The following MYO5B variants were observed in gnomAD, a reference collection of about 807,000 sequenced individuals.
The protein encoded by MYO5B is myosin VB.
A neutral mutation model predicts 229.3 loss-of-function variants in MYO5B; 143 were observed. The observed-to-expected ratio is 0.62, with a 90% CI of 0.54 to 0.72. The LOEUF is 0.72. MYO5B is among the 30% of genes least tolerant of loss of function. The pLI is 0.00. For synonymous variants in MYO5B, 918 were observed against 885.2 expected, an observed-to-expected ratio of 1.04 and a Z score of -0.66; for missense variants, 2,321 against 2,331.0, an observed-to-expected ratio of 1.00 and a Z score of 0.09.
At position 49,954,878 on chromosome 18, in the gene MYO5B, C is replaced by T. The variant is rs115880407; in HGVS notation, c.1546-443G>A. Among the ~76,000 whole-genome samples, 588 of 152,354 alleles carry T rather than the reference C, an allele frequency of 3.9e-3. 6 individuals are homozygous for T. Among genetic ancestry groups the T allele is most frequent in the African/African-American group, 0.014 (570 of 41,584 alleles). On this transcript the variant is annotated intron_variant, in intron 12 of 39. Coordinates refer to ENST00000285039, the MANE Select transcript of MYO5B (RefSeq NM_001080467.3). ...CCTGCCACAGGAAAGCCTACCTTCC[C>T]TCCCTAAACTCACCTAGATACCATT...
At chr18:50,118,185 A>G (rs1471131590) in intron 1 of MYO5B, among the ~76,000 whole-genome samples, 1 of 152,198 alleles carries the variant, frequency 6.6e-6, no homozygotes, top group African/African-American at 2.4e-5. Flanking sequence ...AGCTAGCATG[A>G]CTGTCTCAGT....
intron 4 of MYO5B, among the ~76,000 whole-genome samples, chr18:50,025,778 G>T (rs1411402626): frequency 6.6e-6 from 1 of 152,146 alleles, no homozygotes; most frequent in African/African-American, 2.4e-5. Flanking sequence ...GACCCCAGCA[G>T]GGGCCCGTGG....
At chr18:49,831,343 G>T (rs2023918874) in intron 39 of MYO5B, among the ~76,000 whole-genome samples, 1 of 152,014 alleles carries the variant, frequency 6.6e-6, no homozygotes, top group Admixed American at 6.5e-5. Context: ...CCCACAGAAT[G>T]GGAGAAAATA....
chr18:49,954,242 G>C, intron 13 of MYO5B, 71 bp downstream of exon 13: 1 of 1,595,074 alleles, frequency 6.3e-7, no homozygotes, highest in Non-Finnish European at 8.6e-7. Context: ...TTTCTCTCTA[G>C]GTCTAGAGCC....
Position 49,879,110 on chromosome 18 carries a change from G to C in MYO5B, c.3131-20C>G. 1 of 1,614,088 alleles carries C rather than the reference G, an allele frequency of 6.2e-7. No homozygotes were observed. The highest frequency in any genetic ancestry group is 8.5e-7 in the Non-Finnish European group (1 of 1,180,002). Reference sequence around the variant, plus strand: ...ATTCATCTGGAAAGCAACACGCTAAGCTGCAGTTTTTCTGGATGGATTCCC... The same window carrying C: ...ATTCATCTGGAAAGCAACACGCTAACCTGCAGTTTTTCTGGATGGATTCCC... On this transcript the variant is annotated intron_variant, in intron 23 of 39. Transcript: ENST00000285039.
intron 23 of MYO5B, 96 bp downstream of exon 23, chr18:49,880,275 C>T (rs998261081): frequency 2.0e-6 from 2 of 1,022,018 alleles, no homozygotes; most frequent in Non-Finnish European, 3.1e-6. Context: ...ACTGTAGCCT[C>T]TAGTCTAACT....
chr18:50,033,868 C>G (rs913510186), intron 4 of MYO5B, among the ~76,000 whole-genome samples: 1 of 151,924 alleles, frequency 6.6e-6, no homozygotes, highest in African/African-American at 2.4e-5. Context: ...ACGGCTATCT[C>G]CTCTAACTTT....
chr18:49,826,736 A>G (rs2023851845), intron 39 of MYO5B, 113 bp from the exon 40 acceptor site: 1 of 1,264,548 alleles, frequency 7.9e-7, no homozygotes, highest in Non-Finnish European at 1.1e-6. Flanking sequence ...TACGACAATT[A>G]GGTAGAACTT....
intron 1 of MYO5B, among the ~76,000 whole-genome samples, chr18:50,181,887 T>C (rs989036175): frequency 6.6e-6 from 1 of 152,330 alleles, no homozygotes; most frequent in East Asian, 1.9e-4. Flanking sequence ...ATAAATATTA[T>C]CCCTCATTAC....
At chr18:49,992,241 A>G in intron 6 of MYO5B, 47 bp downstream of exon 6, 2 of 1,613,238 alleles carry the variant, frequency 1.2e-6, no homozygotes, top group Admixed American at 1.7e-5. Flanking sequence ...GAAGTAAGGT[A>G]ATTGTCCATG....
chr18:49,877,669 G>C, intron 25 of MYO5B, 94 bp downstream of exon 25: 8 of 1,557,712 alleles, frequency 5.1e-6, no homozygotes, highest in Non-Finnish European at 7.0e-6. Context: ...GTCACCATCA[G>C]CAGAAGAGTA....
At chr18:49,933,814 T>A (rs1206541821) in intron 16 of MYO5B, among the ~76,000 whole-genome samples, 1 of 152,218 alleles carries the variant, frequency 6.6e-6, no homozygotes, top group African/African-American at 2.4e-5. Context: ...AACTAATAAC[T>A]GTAATCACAT....
chr18:50,002,978 G>A (rs933111487), intron 4 of MYO5B, among the ~76,000 whole-genome samples: 1 of 152,170 alleles, frequency 6.6e-6, no homozygotes, highest in Admixed American at 6.5e-5. Context: ...CAGCACAGGG[G>A]AATGAATGTC....
At chr18:50,012,642 G>A (rs2026174524) in intron 4 of MYO5B, among the ~76,000 whole-genome samples, 1 of 152,170 alleles carries the variant, frequency 6.6e-6, no homozygotes, top group Admixed American at 6.5e-5. Context: ...GGCCATCCTA[G>A]AAAACCTGCC....
intron 1 of MYO5B, among the ~76,000 whole-genome samples, chr18:50,099,820 A>G (rs774617327): frequency 2.0e-5 from 3 of 152,224 alleles, no homozygotes. Context: ...GTTGATGCCA[A>G]TGGGCACCTG....
intron 10 of MYO5B, among the ~76,000 whole-genome samples, chr18:49,971,862 CAAG>C (rs749876387): frequency 6.6e-5 from 10 of 152,180 alleles, no homozygotes; most frequent in South Asian, 2.1e-4. Context: ...TTATTTGTCT[CAAG>C]AAGAAGAGTC....
chr18:50,080,068 T>A (rs1357243356), intron 1 of MYO5B, among the ~76,000 whole-genome samples: 3 of 152,152 alleles, frequency 2.0e-5, no homozygotes, highest in Non-Finnish European at 2.9e-5. Flanking sequence ...CTGAATACAA[T>A]CACATTATTG....
intron 22 of MYO5B, among the ~76,000 whole-genome samples, chr18:49,889,396 C>A (rs1351632676): frequency 6.6e-6 from 1 of 152,192 alleles, no homozygotes; most frequent in Non-Finnish European, 1.5e-5. Flanking sequence ...ACAGGAGAAA[C>A]CACATGGTAT....
At chr18:50,081,688 G>T (rs2031225030) in intron 1 of MYO5B, among the ~76,000 whole-genome samples, 1 of 151,758 alleles carries the variant, frequency 6.6e-6, no homozygotes, top group Non-Finnish European at 1.5e-5. Flanking sequence ...ATTATTTCTG[G>T]GAAAATTTTT....
Sources: allele counts gnomAD v4.1 joint callset (sites outside exome capture counted in the v4.1 genomes callset), GRCh38; gene constraint gnomAD v4.1.1; transcripts MANE v1.5; gene names NCBI Gene and HGNC (gene_info 2026-07-23, HGNC 2026-07-21).